ZNF727: variants seen among roughly 807,000 people sequenced by gnomAD.
ZNF727 encodes the protein putative zinc finger protein 727.
ZNF727 carries 11 observed loss-of-function variants against 11.5 expected under a neutral mutation model. The ratio of observed to expected loss-of-function variants is 0.95; its 90% CI spans 0.60 to 1.58. The LOEUF is 1.58. Ranked by LOEUF, ZNF727 falls within the 40% of genes most tolerant of loss-of-function variation. ZNF727 has a pLI of 0.00. For synonymous variants in ZNF727, 171 were observed against 196.1 expected (o/e 0.87, Z 1.07); for missense variants, 533 against 581.7 (o/e 0.92, Z 0.86).
intron 3 of ZNF727, among the ~76,000 whole-genome samples, chr7:64,074,815 G>T (rs541685470): frequency 1.3e-5 from 2 of 152,106 alleles, no homozygotes; most frequent in African/African-American, 4.8e-5. Flanking sequence ...CTCACAGAAC[G>T]CATGAAAACA....
Position 64,057,196 on chromosome 7 carries a change from GCTCT to G in ZNF727, c.3+11575_3+11578del, listed in dbSNP as rs748056034. Among the ~76,000 whole-genome samples, 4 of 152,024 alleles carry G rather than the reference GCTCT, an allele frequency of 2.6e-5. No homozygotes were observed. The East Asian group carries it at 7.7e-4, about 29-fold the overall frequency. ...ATGATTACATTTCAATAGGTTCAGT[GCTCT>G]CTAAGTATGTTTTTACAATGTATTT... On this transcript the variant is annotated intron_variant, in intron 1 of 3. Transcript: ENST00000456806.
At chr7:64,061,689 TAATA>T (rs918274549) in intron 1 of ZNF727, among the ~76,000 whole-genome samples, 6 of 151,966 alleles carry the variant, frequency 3.9e-5, no homozygotes, top group Non-Finnish European at 8.8e-5. Context: ...GTGTTATTAT[TAATA>T]AATAAAGACA....
chr7:64,076,896 G>A (rs144864574), intron 3 of ZNF727, among the ~76,000 whole-genome samples: 1 of 152,156 alleles, frequency 6.6e-6, no homozygotes, highest in East Asian at 1.9e-4. Context: ...GTCTCAAAAA[G>A]CCAGAAACAT....
At chr7:64,075,004 G>A (rs1790018807) in intron 3 of ZNF727, among the ~76,000 whole-genome samples, 1 of 151,728 alleles carries the variant, frequency 6.6e-6, no homozygotes, top group South Asian at 2.1e-4. Flanking sequence ...TAATTTCACA[G>A]GTTCTGAGCT....
chr7:64,052,902 G>A (rs1186853155), intron 1 of ZNF727, among the ~76,000 whole-genome samples: 1 of 151,938 alleles, frequency 6.6e-6, no homozygotes, highest in African/African-American at 2.4e-5. Context: ...CCTTTGTTTT[G>A]GCCAATTTCT....
rs1440384091 is a variant in ZNF727, at chr7:64,077,764, T to G, written c.715T>G (p.Cys239Gly). ...TGAAGAATGTGGCAAAACATTTACCTGTTCCTCAGCCCTTACTAAACACAA... is the reference window on the plus strand; with the variant it reads ...TGAAGAATGTGGCAAAACATTTACCGGTTCCTCAGCCCTTACTAAACACAA... Reference protein sequence around the residue: ...KCEECGKTFTCSSALTKHKRN... With the variant: ...KCEECGKTFTGSSALTKHKRN... Residue 239 changes from cysteine to glycine, a missense_variant, in exon 4 of 4, where the codon TGT becomes GGT. Cys to Gly is a radical substitution (Grantham distance 159). Around this residue, in one of 3 missense-constraint regions of ZNF727, gnomAD observed 463 missense variants for 494.5 expected, o/e 0.94. Coordinates refer to ENST00000456806, the MANE Select transcript of ZNF727 (RefSeq NM_001159522.3). 3.8e-6 allele frequency: 6 copies of G among 1,580,048 alleles called. No homozygotes were observed. Among genetic ancestry groups the G allele is most frequent in the Non-Finnish European group, 5.2e-6 (6 of 1,162,586 alleles).
At chr7:64,049,527 A>G (rs1789558672) in intron 1 of ZNF727, among the ~76,000 whole-genome samples, 1 of 151,984 alleles carries the variant, frequency 6.6e-6, no homozygotes, top group Non-Finnish European at 1.5e-5. Flanking sequence ...ATTTTTAGTA[A>G]TCTGAATATA....
At chr7:64,047,432 A>G (rs1300028701) in intron 1 of ZNF727, among the ~76,000 whole-genome samples, 1 of 152,194 alleles carries the variant, frequency 6.6e-6, no homozygotes, top group East Asian at 1.9e-4. Flanking sequence ...CGCTCTGCGC[A>G]TCTCCTCTCA....
rs182074011 is a variant in ZNF727 at position 64,067,396 on chromosome 7, C to T, written c.4-1495C>T. On this transcript the variant is annotated intron_variant, in intron 1 of 3. Coordinates refer to ENST00000456806, the MANE Select transcript of ZNF727 (RefSeq NM_001159522.3). Reference sequence around the variant, plus strand: ...GCAATCCCGTAACTGGGTATATACCCAAAGGATTATAAATTATTCTACTAT... The same window carrying T: ...GCAATCCCGTAACTGGGTATATACCTAAAGGATTATAAATTATTCTACTAT... Among the ~76,000 whole-genome samples, 36 of 152,136 alleles carry T rather than the reference C, an allele frequency of 2.4e-4. No homozygotes were observed. In the East Asian group the frequency reaches 7.0e-3, roughly 29 times the overall value.
rs1468064230 is a variant in ZNF727, at chr7:64,081,740, C to A, written c.*3191C>A. Among the ~76,000 whole-genome samples, 1 of 152,118 alleles carries A rather than the reference C, an allele frequency of 6.6e-6. No individual in the cohort carries two copies. Among genetic ancestry groups the A allele is most frequent in the Non-Finnish European group, 1.5e-5 (1 of 68,034 alleles). ...AGCTTCTTCTGATTTGCAAGACCATCCTGCAGAAATTAGGTCCAACAGTTC... is the reference window on the plus strand; with the variant it reads ...AGCTTCTTCTGATTTGCAAGACCATACTGCAGAAATTAGGTCCAACAGTTC... On this transcript the variant is annotated 3_prime_UTR_variant, in exon 4 of 4. Coordinates refer to ENST00000456806, the MANE Select transcript of ZNF727 (RefSeq NM_001159522.3).
Position 64,083,946 on chromosome 7 carries a change from A to G in ZNF727, c.*5397A>G, listed in dbSNP as rs1229551491. Reference sequence around the variant, plus strand: ...TTTTATATTAAAATAATTTATTTTCAAAGGCAAATATTGATGTAATTTAAC... The same window carrying G: ...TTTTATATTAAAATAATTTATTTTCGAAGGCAAATATTGATGTAATTTAAC... On this transcript the variant is annotated 3_prime_UTR_variant, in exon 4 of 4. Transcript: ENST00000456806. Among the ~76,000 whole-genome samples, 2 of 152,246 alleles carry G rather than the reference A, an allele frequency of 1.3e-5. No homozygotes were observed. The highest frequency in any genetic ancestry group is 4.8e-5 in the African/African-American group (2 of 41,458).
intron 1 of ZNF727, among the ~76,000 whole-genome samples, chr7:64,047,895 TATAGG>T (rs1789533399): frequency 6.6e-6 from 1 of 152,230 alleles, no homozygotes; most frequent in African/African-American, 2.4e-5. Context: ...TGTCCCAAAG[TATAGG>T]AAAGACCCAC....
At position 64,080,552 on chromosome 7, in the gene ZNF727, A is replaced by AT. The variant is rs1785770187; in HGVS notation, c.*2010dup. ...GTTTTTTCCATCACTTCCTGCAATT[A>AT]TTTTTTTCTTCTTTGCATTGGGTTG... On this transcript the variant is annotated 3_prime_UTR_variant, in exon 4 of 4. Coordinates refer to ENST00000456806, the MANE Select transcript of ZNF727 (RefSeq NM_001159522.3). Among the ~76,000 whole-genome samples the AT allele has an allele frequency of 6.6e-6, 1 of 151,664 alleles. No individual in the cohort carries two copies. Among genetic ancestry groups the AT allele is most frequent in the African/African-American group, 2.4e-5 (1 of 41,268 alleles).
Position 64,078,616 on chromosome 7 carries a change from T to C in ZNF727, c.*67T>C, listed in dbSNP as rs1785732684. On this transcript the variant is annotated 3_prime_UTR_variant, in exon 4 of 4. Transcript: ENST00000456806. Reference sequence around the variant, plus strand: ...AAAGCTTTTACGTGGATCTTGGCCCTTAGTAAACACAAGAGAATTCATACT... The same window carrying C: ...AAAGCTTTTACGTGGATCTTGGCCCCTAGTAAACACAAGAGAATTCATACT... 1.3e-6 allele frequency: 2 copies of C among 1,486,968 alleles called. No homozygotes were observed. The highest frequency in any genetic ancestry group is 4.6e-5 in the East Asian group (2 of 43,568). 92.1% of individuals were successfully genotyped at this position (1,486,968 alleles called of 1,614,324 possible).
At chr7:64,049,738 T>C (rs926280904) in intron 1 of ZNF727, among the ~76,000 whole-genome samples, 3 of 151,488 alleles carry the variant, frequency 2.0e-5, no homozygotes, top group Admixed American at 6.6e-5. Context: ...TATTTAAAAA[T>C]TAATATCTTA....
chr7:64,078,685 T>A lies in ZNF727; in HGVS notation c.*136T>A. 2 of 1,271,462 alleles carry A rather than the reference T, an allele frequency of 1.6e-6. No individual in the cohort carries two copies. Among genetic ancestry groups the A allele is most frequent in the Non-Finnish European group, 2.3e-6 (2 of 880,040 alleles). 78.8% of individuals were successfully genotyped at this position (1,271,462 alleles called of 1,614,324 possible). On this transcript the variant is annotated 3_prime_UTR_variant, in exon 4 of 4. Transcript: ENST00000456806. ...TGTGAAGAATGTGGCAAAGCCTTTA[T>A]CCGCTCCTCAACCCTTACAAGCCAC...
Position 64,068,927 on chromosome 7 carries a change from TC to T in ZNF727, c.44del (p.Pro15GlnfsTer18). The T allele has an allele frequency of 6.2e-7, 1 of 1,604,568 alleles. No homozygotes were observed. On this transcript the variant is annotated frameshift_variant, in exon 2 of 4. Coordinates refer to ENST00000456806, the MANE Select transcript of ZNF727 (RefSeq NM_001159522.3). LOFTEE classifies it high-confidence loss of function. ...ATTCAGGGATGTGGCTGTAGAATTC[TC>T]CCCAGAAGAGTGGGAATGCCTGGAC... The part of the protein sequence containing the change: ...LTFRDVAVEF[S>X]PEEWECLDSA...
At chr7:64,052,721 A>AG (rs1156673858) in intron 1 of ZNF727, among the ~76,000 whole-genome samples, 4 of 152,198 alleles carry the variant, frequency 2.6e-5, no homozygotes, top group Non-Finnish European at 4.4e-5. Context: ...AGCAGCCAGG[A>AG]GGGGGGCTAT....
At chr7:64,052,313 A>G (rs1381465931) in intron 1 of ZNF727, among the ~76,000 whole-genome samples, 2 of 151,484 alleles carry the variant, frequency 1.3e-5, no homozygotes, top group East Asian at 3.9e-4. Context: ...ACCTCCAGAT[A>G]GTGAATAGGT....
Sources: gnomAD v4.1 joint callset for allele counts (sites outside exome capture counted in the v4.1 genomes callset) on GRCh38, gnomAD v4.1.1 for gene constraint, gnomAD v4.1.1 regional missense constraint, MANE v1.5 for transcripts, NCBI Gene and HGNC (gene_info 2026-07-23, HGNC 2026-07-21) for gene names.